CDH12: variants seen among roughly 807,000 people sequenced by gnomAD.
The protein encoded by CDH12 is cadherin 12, also known as cadherin-12.
A neutral mutation model predicts 74.1 loss-of-function variants in CDH12; 41 were observed. That is an observed-to-expected ratio of 0.55 (90% CI 0.43 to 0.72). The LOEUF is 0.72. Among genes scored for constraint, CDH12 ranks in the 30% least tolerant of loss-of-function variants. CDH12 has a pLI of 0.00. For synonymous variants in CDH12, 399 were observed against 355.0 expected, an observed-to-expected ratio of 1.12 and a Z score of -1.39; for missense variants, 945 against 977.2, an observed-to-expected ratio of 0.97 and a Z score of 0.44.
At chr5:22,183,704 T>C (rs2150339733) in intron 4 of CDH12, among the ~76,000 whole-genome samples, 1 of 152,212 alleles carries the variant, frequency 6.6e-6, no homozygotes, top group Non-Finnish European at 1.5e-5. Flanking sequence ...CTGCTAAGGA[T>C]CAGCAGGGAC....
At chr5:22,311,864 T>G (rs1032569372) in intron 3 of CDH12, among the ~76,000 whole-genome samples, 3 of 152,134 alleles carry the variant, frequency 2.0e-5, no homozygotes, top group African/African-American at 7.2e-5. Flanking sequence ...TATTTTTCTC[T>G]TCTCGCAAGG....
At chr5:21,790,467 T>C (rs1348208211) in intron 10 of CDH12, among the ~76,000 whole-genome samples, 1 of 152,050 alleles carries the variant, frequency 6.6e-6, no homozygotes, top group Admixed American at 6.6e-5. Flanking sequence ...ACCACTGAGA[T>C]GCAATGAAAT....
In CDH12 at chr5:22,450,899, T is replaced by G. The variant is rs1745016397; in HGVS notation, c.-427-45548A>C. On this transcript the variant is annotated intron_variant, in intron 2 of 14. Coordinates refer to ENST00000382254, the MANE Select transcript of CDH12 (RefSeq NM_004061.5). The stretch of plus-strand genomic sequence containing the variant: ...CCACTTTTTTTTTTTTTTTTTTTCC[T>G]AAGGAGCTTCCTTAGGAACTAGATT... Among the ~76,000 whole-genome samples the G allele has an allele frequency of 4.3e-5, 6 of 140,562 alleles. No individual in the cohort carries two copies. The Admixed American group carries it at 4.5e-4, about 10-fold the overall frequency. The allele number at this position is 140,562 out of a possible 152,430, so 92.2% of individuals were successfully genotyped here.
chr5:22,529,188 T>TAGAG lies in CDH12; in HGVS notation c.-522-23828_-522-23825dup, dbSNP rs374921601. ...GTGTATATATATATATATATATATA[T>TAGAG]AGAGAGAGAGAGAGAGAGAGAGAGA... On this transcript the variant is annotated intron_variant, in intron 1 of 14. Coordinates refer to ENST00000382254, the MANE Select transcript of CDH12 (RefSeq NM_004061.5). Among the ~76,000 whole-genome samples the TAGAG allele has an allele frequency of 4.7e-3, 393 of 84,432 alleles. 3 individuals are homozygous for TAGAG. Among genetic ancestry groups the TAGAG allele is most frequent in the Middle Eastern group, 0.015 (2 of 130 alleles). The allele number at this position is 84,432 out of a possible 152,430, so 55.4% of individuals were successfully genotyped here.
intron 2 of CDH12, among the ~76,000 whole-genome samples, chr5:22,446,317 T>C (rs1744815630): frequency 6.6e-6 from 1 of 152,098 alleles, no homozygotes; most frequent in Non-Finnish European, 1.5e-5. Flanking sequence ...TTCAAACCCT[T>C]TCTAACTTTT....
intron 1 of CDH12, among the ~76,000 whole-genome samples, chr5:22,737,352 CA>C (rs1328887733): frequency 6.6e-6 from 1 of 151,722 alleles, no homozygotes; most frequent in Non-Finnish European, 1.5e-5. Flanking sequence ...ATAATAATAA[CA>C]AAAAAACTTC....
chr5:22,203,298 A>G (rs1197449529), intron 4 of CDH12, among the ~76,000 whole-genome samples: 1 of 151,950 alleles, frequency 6.6e-6, no homozygotes, highest in African/African-American at 2.4e-5. Context: ...CTCTACTTCT[A>G]TGGGATCATC....
intron 10 of CDH12, among the ~76,000 whole-genome samples, chr5:21,786,792 T>C (rs1344337737): frequency 6.6e-6 from 1 of 152,126 alleles, no homozygotes; most frequent in South Asian, 2.1e-4. Flanking sequence ...TTAAGAACAT[T>C]GGTGATTCAT....
chr5:22,422,138 G>C (rs1269916013), intron 2 of CDH12, among the ~76,000 whole-genome samples: 1 of 152,064 alleles, frequency 6.6e-6, no homozygotes, highest in Non-Finnish European at 1.5e-5. Context: ...GTGAGAGAGG[G>C]CATTTTGTCT....
At chr5:22,595,812 C>T (rs1736573419) in intron 1 of CDH12, among the ~76,000 whole-genome samples, 2 of 152,250 alleles carry the variant, frequency 1.3e-5, no homozygotes, top group South Asian at 4.2e-4. Flanking sequence ...CACCGTGGCT[C>T]ACACCTGTAA....
At chr5:21,834,680 G>A (rs538402025) in intron 8 of CDH12, among the ~76,000 whole-genome samples, 16 of 151,974 alleles carry the variant, frequency 1.1e-4, no homozygotes, top group Non-Finnish European at 2.4e-4. Context: ...CATGAACTTT[G>A]TGTATTACTA....
intron 2 of CDH12, among the ~76,000 whole-genome samples, chr5:22,479,002 G>C (rs1346086031): frequency 6.6e-6 from 1 of 152,050 alleles, no homozygotes; most frequent in Non-Finnish European, 1.5e-5. Flanking sequence ...TTCATGTTTT[G>C]GGTTCTTATC....
At chr5:22,024,988 G>A (rs1303182012) in intron 5 of CDH12, among the ~76,000 whole-genome samples, 6 of 151,986 alleles carry the variant, frequency 3.9e-5, no homozygotes, top group Admixed American at 6.6e-5. Context: ...TTCAACAATT[G>A]TTCAGCCAAC....
chr5:22,709,155 G>T (rs1743170866), intron 1 of CDH12, among the ~76,000 whole-genome samples: 1 of 152,126 alleles, frequency 6.6e-6, no homozygotes, highest in Non-Finnish European at 1.5e-5. Flanking sequence ...GAGAGAGAGT[G>T]GCCACAAATT....
chr5:22,437,288 GTAATA>G (rs1352839726), intron 2 of CDH12, among the ~76,000 whole-genome samples: 1 of 151,562 alleles, frequency 6.6e-6, no homozygotes, highest in Non-Finnish European at 1.5e-5. Flanking sequence ...CACAACAAAA[GTAATA>G]TAATAATCAA....
chr5:22,251,926 T>C (rs552514485), intron 3 of CDH12, among the ~76,000 whole-genome samples: 1 of 152,266 alleles, frequency 6.6e-6, no homozygotes, highest in Admixed American at 6.5e-5. Flanking sequence ...TATATAATGG[T>C]GAACACATGG....
chr5:22,113,074 T>C (rs1379872604), intron 4 of CDH12, among the ~76,000 whole-genome samples: 1 of 152,206 alleles, frequency 6.6e-6, no homozygotes, highest in Non-Finnish European at 1.5e-5. Context: ...TGGGGAGTCA[T>C]GCCCTACAAA....
intron 1 of CDH12, among the ~76,000 whole-genome samples, chr5:22,729,998 T>G (rs964578674): frequency 6.6e-6 from 1 of 151,912 alleles, no homozygotes; most frequent in Non-Finnish European, 1.5e-5. Flanking sequence ...TGTTAGTTAT[T>G]ATTAATCAGA....
intron 2 of CDH12, among the ~76,000 whole-genome samples, chr5:22,435,200 A>T (rs1168934500): frequency 6.6e-6 from 1 of 152,038 alleles, no homozygotes. Flanking sequence ...GGGCAGAAAA[A>T]TGTGAAAAGG....
Sources: allele counts gnomAD v4.1 joint callset (sites outside exome capture counted in the v4.1 genomes callset), GRCh38; gene constraint gnomAD v4.1.1; transcripts MANE v1.5; gene names NCBI Gene and HGNC (gene_info 2026-07-23, HGNC 2026-07-21).